The following ASMT variants were observed in gnomAD, a reference collection of about 807,000 sequenced individuals.
ASMT encodes acetylserotonin N-methyltransferase.
ASMT carries 53 observed loss-of-function variants against 41.3 expected under a neutral mutation model. The observed-to-expected ratio is 1.28, with a 90% CI of 1.03 to 1.61. The LOEUF (loss-of-function observed/expected upper bound fraction) is 1.61, where lower values mean the gene tolerates loss of function less well. Among genes scored for constraint, ASMT ranks in the 40% most tolerant of loss-of-function variants. The pLI is 0.00. For missense variants in ASMT, 531 were observed against 441.3 expected (o/e 1.20, Z -1.82); for synonymous variants, 231 against 184.8 (o/e 1.25, Z -2.03).
intron 7 of ASMT, among the ~76,000 whole-genome samples, chrX:1,635,117 G>C (rs1393167547): frequency 6.7e-6 from 1 of 149,646 alleles, no homozygotes; most frequent in African/African-American, 2.5e-5. Flanking sequence ...TGGGACTACA[G>C]GCGCCCACCA....
chrX:1,617,438 C>T (rs1322207407), intron 1 of ASMT, among the ~76,000 whole-genome samples: 2 of 151,556 alleles, frequency 1.3e-5, no homozygotes, highest in Non-Finnish European at 2.9e-5. Flanking sequence ...TGCCACTGCA[C>T]TCCAGCCTGG....
chrX:1,626,605 G>C (rs1157996431), intron 3 of ASMT, among the ~76,000 whole-genome samples: 1 of 152,070 alleles, frequency 6.6e-6, no homozygotes, highest in African/African-American at 2.4e-5. Flanking sequence ...ACGTAATATA[G>C]GGTTAAATAA....
chrX:1,626,702 G>A (rs1192988665), intron 3 of ASMT, among the ~76,000 whole-genome samples: 1 of 152,168 alleles, frequency 6.6e-6, no homozygotes, highest in Non-Finnish European at 1.5e-5. Flanking sequence ...AAAAGGTCAC[G>A]TGTAACAATT....
At chrX:1,632,659 AT>A (rs1934819651) in intron 5 of ASMT, 44 bp from the exon 6 acceptor site, 1 of 172,252 alleles carries the variant, frequency 5.8e-6, no homozygotes, top group South Asian at 1.3e-4. Context: ...TGTCTCAAAA[AT>A]AAATAAATTA....
intron 5 of ASMT, among the ~76,000 whole-genome samples, chrX:1,630,345 G>A (rs1332194195): frequency 1.0e-4 from 13 of 129,556 alleles, no homozygotes; most frequent in Admixed American, 1.9e-4. Context: ...TCGCTCTGTC[G>A]CCCAGGCTGG....
At chrX:1,630,722 C>G (rs1934741848) in intron 5 of ASMT, among the ~76,000 whole-genome samples, 1 of 151,738 alleles carries the variant, frequency 6.6e-6, no homozygotes, top group Admixed American at 6.6e-5. Flanking sequence ...ACACCTAGCT[C>G]ATTTAAAAAC....
In ASMT at chrX:1,624,360, C is replaced by G; in HGVS notation, c.336C>G (p.Thr112=). ...GCATGCTGAAGTACATGGGCAGGAC[C>G]AGCTACCGGTGCTGGGGCCACCTGG... The part of the protein sequence containing the change: ...QCSMLKYMGR[T]SYRCWGHLAD... The change falls in exon 3 of 9, where the codon ACC becomes ACG. Residue 112 remains threonine, a synonymous_variant. Transcript: ENST00000381241. The G allele has an allele frequency of 1.9e-6, 3 of 1,613,834 alleles. No individual in the cohort carries two copies. Among genetic ancestry groups the G allele is most frequent in the Non-Finnish European group, 2.5e-6 (3 of 1,179,864 alleles).
At chrX:1,636,583 C>G (rs779463213) in intron 8 of ASMT, 23 bp downstream of exon 8, 1 of 1,613,858 alleles carries the variant, frequency 6.2e-7, no homozygotes, top group East Asian at 2.2e-5. Context: ...GTTTGCATTT[C>G]AGCGTGTGCT....
chrX:1,630,374 C>T (rs1466914430), intron 5 of ASMT, among the ~76,000 whole-genome samples: 1 of 144,340 alleles, frequency 6.9e-6, no homozygotes. Context: ...GGCACGATCT[C>T]GGCTCACCGC....
rs1302829604 is a variant in ASMT, at chrX:1,629,958, T to A, written c.562+19T>A. ...CTTGGTGGTAAGTACCCCTCACCACTAATACCTCGGAGGTGTGGCTTCTGT... is the reference window on the plus strand; with the variant it reads ...CTTGGTGGTAAGTACCCCTCACCACAAATACCTCGGAGGTGTGGCTTCTGT... On this transcript the variant is annotated intron_variant, in intron 5 of 8. Coordinates refer to ENST00000381241, the MANE Select transcript of ASMT (RefSeq NM_001171038.2). 6.4e-7 allele frequency: 1 copy of A among 1,574,778 alleles called. No individual in the cohort carries two copies. The highest frequency in any genetic ancestry group is 8.7e-7 in the Non-Finnish European group (1 of 1,144,116).
chrX:1,616,874 A>C (rs1393044978), intron 1 of ASMT, among the ~76,000 whole-genome samples: 7 of 151,658 alleles, frequency 4.6e-5, no homozygotes, highest in Non-Finnish European at 1.0e-4. Flanking sequence ...ACGCCCGGCT[A>C]ATTTTTTGTA....
At chrX:1,632,229 A>G (rs1399735970) in intron 5 of ASMT, among the ~76,000 whole-genome samples, 2 of 152,160 alleles carry the variant, frequency 1.3e-5, no homozygotes, top group African/African-American at 4.8e-5. Context: ...GCCGGCTTCA[A>G]GAACACACAG....
chrX:1,617,840 C>G (rs1934195719), intron 1 of ASMT, among the ~76,000 whole-genome samples: 2 of 151,948 alleles, frequency 1.3e-5, no homozygotes, highest in Admixed American at 6.6e-5. Context: ...GTCTCGAACT[C>G]CCAACCTCAG....
chrX:1,621,483 A>G (rs1172318165), intron 1 of ASMT, among the ~76,000 whole-genome samples: 4 of 151,772 alleles, frequency 2.6e-5, no homozygotes, highest in Non-Finnish European at 4.4e-5. Context: ...ATGCCCAGCT[A>G]ATTTTTATAC....
At chrX:1,630,056 G>A (rs1387740059) in intron 5 of ASMT, 117 bp downstream of exon 5, 18 of 946,672 alleles carry the variant, frequency 1.9e-5, no homozygotes, top group Non-Finnish European at 2.6e-5. Flanking sequence ...CGGCCTTACT[G>A]GTCTTAGAGG....
At chrX:1,622,767 A>C (rs1934381910) in intron 1 of ASMT, among the ~76,000 whole-genome samples, 1 of 151,162 alleles carries the variant, frequency 6.6e-6, no homozygotes, top group Admixed American at 6.6e-5. Context: ...CAAAAATTAG[A>C]CAGGCATGGT....
At chrX:1,616,030 C>CT (rs774058621) in intron 1 of ASMT, among the ~76,000 whole-genome samples, 4,761 of 141,576 alleles carry the variant, frequency 0.034, 106 homozygotes, top group Middle Eastern at 0.067. Flanking sequence ...CACCTCATTC[C>CT]TTTTTTTTAT....
rs1450963784 is a variant in ASMT at position 1,624,408 on chromosome X, G to A, written c.374+10G>A. The A allele has an allele frequency of 6.2e-7, 1 of 1,610,422 alleles. No individual in the cohort carries two copies. The highest frequency in any genetic ancestry group is 8.5e-7 in the Non-Finnish European group (1 of 1,178,072). ...TGGCAGACGCCGTGAGGTGGGGGCT[G>A]CCCCCAGGCAGATGCTGGGAGGTGG... On this transcript the variant is annotated intron_variant, in intron 3 of 8. Coordinates refer to ENST00000381241, the MANE Select transcript of ASMT (RefSeq NM_001171038.2).
chrX:1,617,794 T>C (rs1198931039), intron 1 of ASMT, among the ~76,000 whole-genome samples: 1 of 151,328 alleles, frequency 6.6e-6, no homozygotes, highest in Non-Finnish European at 1.5e-5. Context: ...TTTGTATTTT[T>C]AGTAGAGATG....
Sources: allele counts gnomAD v4.1 joint callset (sites outside exome capture counted in the v4.1 genomes callset), GRCh38; gene constraint gnomAD v4.1.1; transcripts MANE v1.5; gene names NCBI Gene and HGNC (gene_info 2026-07-23, HGNC 2026-07-21).